Variants in TSPAN14 observed in about 807,000 individuals in gnomAD.
TSPAN14 encodes the protein tetraspanin-14.
A neutral mutation model predicts 36.6 loss-of-function variants in TSPAN14; 16 were observed. The ratio of observed to expected loss-of-function variants is 0.44; its 90% CI spans 0.30 to 0.66. The LOEUF is 0.66. Ranked by LOEUF, TSPAN14 falls within the 30% of genes least tolerant of loss-of-function variation. The pLI is 0.12. For synonymous variants in TSPAN14, 139 were observed against 143.8 expected (o/e 0.97, Z 0.24); for missense variants, 231 against 355.1 (o/e 0.65, Z 2.81).
At chr10:80,520,966 C>T (rs1841241380) in exon 9 of TSPAN14, 1 of 429,408 alleles carries the variant, frequency 2.3e-6, no homozygotes, top group African/African-American at 2.0e-5. Context: ...ATCCCACTAC[C>T]CACAGGGCAG....
intron 2 of TSPAN14, 118 bp downstream of exon 2, chr10:80,489,432 C>A: frequency 1.3e-6 from 1 of 765,920 alleles, no homozygotes; most frequent in Non-Finnish European, 2.2e-6. Flanking sequence ...AGGTGGTGGG[C>A]AGGGTCAGTG....
chr10:80,471,674 C>T (rs12244515), intron 1 of TSPAN14, among the ~76,000 whole-genome samples: 1 of 152,076 alleles, frequency 6.6e-6, no homozygotes, highest in African/African-American at 2.4e-5. Context: ...CCTTCAATGG[C>T]AGAGGGAAGT....
chr10:80,494,948 C>T (rs965145173), intron 2 of TSPAN14, among the ~76,000 whole-genome samples: 1 of 152,212 alleles, frequency 6.6e-6, no homozygotes, highest in Non-Finnish European at 1.5e-5. Flanking sequence ...TGCAGGCACA[C>T]AGTTTCATAT....
At chr10:80,470,531 C>G (rs1040179735) in intron 1 of TSPAN14, among the ~76,000 whole-genome samples, 1 of 152,230 alleles carries the variant, frequency 6.6e-6, no homozygotes, top group African/African-American at 2.4e-5. Context: ...GCCTTTCAGG[C>G]GTGGAAACAT....
At chr10:80,489,784 AGGGAGAAGCTCCTT>A (rs1046105159) in intron 2 of TSPAN14, among the ~76,000 whole-genome samples, 7 of 152,342 alleles carry the variant, frequency 4.6e-5, no homozygotes, top group African/African-American at 1.7e-4. Context: ...CAGGACAGTG[AGGGAGAAGCTCCTT>A]GGATAGGGTG....
At chr10:80,495,514 A>C (rs1056990933) in intron 2 of TSPAN14, among the ~76,000 whole-genome samples, 1 of 152,144 alleles carries the variant, frequency 6.6e-6, no homozygotes, top group Non-Finnish European at 1.5e-5. Flanking sequence ...GATTTCCCCA[A>C]CTTAGGCAAG....
At chr10:80,518,046 C>A in exon 9 of TSPAN14, 2 of 1,489,108 alleles carry the variant, frequency 1.3e-6, no homozygotes, top group Non-Finnish European at 1.8e-6. Flanking sequence ...ATCAGCCCTA[C>A]GTCCAGAGGG....
chr10:80,485,624 A>G, intron 1 of TSPAN14: 3 of 985,404 alleles, frequency 3.0e-6, no homozygotes, highest in Non-Finnish European at 3.6e-6. Context: ...TGTGGAGACC[A>G]GGATCTGCCA....
rs56307745 is a variant in TSPAN14, at chr10:80,511,711, CCTCTCTCTCTCTCTCTCTCTCT to C, written c.451-393_451-372del. ...TCTTTAACACATCAAAAGGGCAGGT[CCTCTCTCTCTCTCTCTCTCTCT>C]CTCTCTCTCTCTCTCTCTCTCTCTC... On this transcript the variant is annotated intron_variant, in intron 5 of 8. Coordinates refer to ENST00000429989, the Ensembl canonical transcript of TSPAN14. Among the ~76,000 whole-genome samples, 242 of 25,812 alleles carry C rather than the reference CCTCTCTCTCTCTCTCTCTCTCT, an allele frequency of 9.4e-3. 3 individuals carry two copies. Among genetic ancestry groups the C allele is most frequent in the Middle Eastern group, 0.023 (1 of 44 alleles). 16.9% of individuals were successfully genotyped at this position (25,812 alleles called of 152,430 possible).
At chr10:80,470,481 A>G (rs773863053) in intron 1 of TSPAN14, among the ~76,000 whole-genome samples, 26 of 152,360 alleles carry the variant, frequency 1.7e-4, no homozygotes, top group Admixed American at 5.2e-4. Flanking sequence ...GCAATTTTGT[A>G]TAAAAAGATT....
Position 80,516,339 on chromosome 10 carries a change from C to T in TSPAN14, c.741+16C>T. 1 of 1,614,004 alleles carries T rather than the reference C, an allele frequency of 6.2e-7. No individual in the cohort carries two copies. Reference sequence around the variant, plus strand: ...GCTGTTGCAGGTGTGTCCCAGGAGCCTATAGGATTGGCAGGTGGCCTTTTT... The same window carrying T: ...GCTGTTGCAGGTGTGTCCCAGGAGCTTATAGGATTGGCAGGTGGCCTTTTT... On this transcript the variant is annotated intron_variant, in intron 8 of 8. Coordinates refer to ENST00000429989, the Ensembl canonical transcript of TSPAN14.
rs1279119295 is a variant in TSPAN14 at position 80,512,691 on chromosome 10, T to C, written c.576+422T>C. On this transcript the variant is annotated intron_variant, in intron 6 of 8. Transcript: ENST00000429989. ...AGTAGTGGAGAATTATTTTCTTTCT[T>C]TTTCTCTTTCTTTTATTTTTGAGAC... 2.0e-5 allele frequency among the ~76,000 whole-genome samples: 3 copies of C among 152,174 alleles called. No homozygotes were observed. The East Asian group carries it at 5.8e-4, about 29-fold the overall frequency.
chr10:80,469,192 G>C (rs1846404137), intron 1 of TSPAN14, among the ~76,000 whole-genome samples: 1 of 152,126 alleles, frequency 6.6e-6, no homozygotes, highest in Non-Finnish European at 1.5e-5. Flanking sequence ...GCCCTCCTGG[G>C]TGAAAGGGCA....
intron 2 of TSPAN14, among the ~76,000 whole-genome samples, chr10:80,500,742 C>T (rs1392238358): frequency 6.6e-6 from 1 of 152,188 alleles, no homozygotes; most frequent in African/African-American, 2.4e-5. Context: ...CCAGGGCTTT[C>T]CCTGGGGGCC....
chr10:80,508,609 G>A (rs1489698565), intron 4 of TSPAN14, among the ~76,000 whole-genome samples: 1 of 152,092 alleles, frequency 6.6e-6, no homozygotes, highest in Non-Finnish European at 1.5e-5. Context: ...TGTGGCCTGG[G>A]GCAGCTGAGC....
intron 1 of TSPAN14, among the ~76,000 whole-genome samples, chr10:80,473,306 G>A (rs2131976891): frequency 6.6e-6 from 1 of 152,302 alleles, no homozygotes; most frequent in South Asian, 2.1e-4. Context: ...GCCCCTCGGT[G>A]TCCTGAAACT....
At chr10:80,460,462 G>C (rs1845913255) in intron 1 of TSPAN14, among the ~76,000 whole-genome samples, 1 of 152,194 alleles carries the variant, frequency 6.6e-6, no homozygotes, top group African/African-American at 2.4e-5. Context: ...GGGCTCAGAG[G>C]AATAAAGTTT....
chr10:80,503,420 AACTGAG>A (rs1848638142), intron 2 of TSPAN14, among the ~76,000 whole-genome samples: 1 of 152,102 alleles, frequency 6.6e-6, no homozygotes, highest in Non-Finnish European at 1.5e-5. Flanking sequence ...TGAATGAATG[AACTGAG>A]ACTTGTGATT....
chr10:80,470,723 A>G (rs760540314), intron 1 of TSPAN14, among the ~76,000 whole-genome samples: 8 of 152,200 alleles, frequency 5.3e-5, no homozygotes, highest in Non-Finnish European at 1.0e-4. Context: ...GTTTCTCCCC[A>G]AGAATGGGCC....
Sources: allele counts gnomAD v4.1 joint callset (sites outside exome capture counted in the v4.1 genomes callset), GRCh38; gene constraint gnomAD v4.1.1; transcripts MANE v1.5; gene names NCBI Gene and HGNC (gene_info 2026-07-23, HGNC 2026-07-21).